Variants in LIMS1 observed in about 807,000 individuals in gnomAD.
LIMS1 encodes LIM and senescent cell antigen-like-containing domain protein 1.
A neutral mutation model predicts 44.1 loss-of-function variants in LIMS1; 18 were observed. That is an observed-to-expected ratio of 0.41 (90% CI 0.28 to 0.61). The LOEUF is 0.61. Ranked by LOEUF, LIMS1 falls within the 20% of genes least tolerant of loss-of-function variation. The pLI, the probability that LIMS1 is intolerant of heterozygous loss-of-function variation, is 0.32. For missense variants in LIMS1, 201 were observed against 422.0 expected, an observed-to-expected ratio of 0.48 and a Z score of 4.59; for synonymous variants, 93 against 149.1, an observed-to-expected ratio of 0.62 and a Z score of 2.74.
At chr2:108,561,469 G>C (rs1016851562) in intron 1 of LIMS1, among the ~76,000 whole-genome samples, 6 of 152,164 alleles carry the variant, frequency 3.9e-5, no homozygotes, top group Non-Finnish European at 2.9e-5. Context: ...CCAATGCAGT[G>C]TATGTGTGTG....
At chr2:108,644,074 G>C (rs113959926) in intron 1 of LIMS1, among the ~76,000 whole-genome samples, 1,852 of 152,288 alleles carry the variant, frequency 0.012, 44 homozygotes, top group African/African-American at 0.043. Flanking sequence ...AGGGGAAGGG[G>C]TGGTTGTGGG....
chr2:108,595,595 A>C (rs1686639509), intron 1 of LIMS1, among the ~76,000 whole-genome samples: 1 of 151,694 alleles, frequency 6.6e-6, no homozygotes, highest in African/African-American at 2.4e-5. Context: ...TATTTTCTTC[A>C]GTTTTTCCCA....
chr2:108,630,956 AT>A (rs1429221939), intron 1 of LIMS1, among the ~76,000 whole-genome samples: 2 of 152,246 alleles, frequency 1.3e-5, no homozygotes, highest in Non-Finnish European at 2.9e-5. Flanking sequence ...AAAAGATTAG[AT>A]TCAGAAAAAT....
intron 1 of LIMS1, among the ~76,000 whole-genome samples, chr2:108,599,991 T>A (rs200513691): frequency 0.13 from 14,232 of 108,638 alleles, 20 homozygotes; most frequent in East Asian, 0.46. Flanking sequence ...TTGTCTTTTC[T>A]CTTTGTTGAC....
chr2:108,617,356 A>G (rs932363036), intron 1 of LIMS1, among the ~76,000 whole-genome samples: 1 of 152,236 alleles, frequency 6.6e-6, no homozygotes, highest in African/African-American at 2.4e-5. Context: ...AAATGTTTAT[A>G]CTTGTGGAAG....
chr2:108,641,229 T>G (rs753766349), intron 1 of LIMS1, among the ~76,000 whole-genome samples: 1 of 152,214 alleles, frequency 6.6e-6, no homozygotes, highest in Non-Finnish European at 1.5e-5. Flanking sequence ...CCTGATATCA[T>G]AATGGCATTT....
chr2:108,648,160 A>G lies in LIMS1; in HGVS notation c.33-11445A>G, dbSNP rs562481777. 3.9e-5 allele frequency among the ~76,000 whole-genome samples: 6 copies of G among 152,338 alleles called. 1 individual carries two copies. The South Asian group carries it at 1.2e-3, about 32-fold the overall frequency. On this transcript the variant is annotated intron_variant, in intron 1 of 9. Coordinates refer to ENST00000544547, the Ensembl canonical transcript of LIMS1. The stretch of plus-strand genomic sequence containing the variant: ...ATGTGCAAAAATCACAGGCATTCCT[A>G]TACACCAATAACAGACAAACGGAGA...
chr2:108,572,383 T>TC (rs1685507507), intron 1 of LIMS1, among the ~76,000 whole-genome samples: 1 of 146,728 alleles, frequency 6.8e-6, no homozygotes, highest in South Asian at 2.2e-4. Flanking sequence ...ACTCTTGCTT[T>TC]TTTTTTTTTT....
intron 1 of LIMS1, among the ~76,000 whole-genome samples, chr2:108,614,608 A>C (rs1238868540): frequency 6.6e-6 from 1 of 152,212 alleles, no homozygotes; most frequent in African/African-American, 2.4e-5. Flanking sequence ...GATACCCTTA[A>C]ATTTCTAAAT....
chr2:108,546,795 G>C lies in LIMS1; in HGVS notation c.32+12201G>C, dbSNP rs374193724. 2.0e-5 allele frequency among the ~76,000 whole-genome samples: 3 copies of C among 151,968 alleles called. No individual in the cohort carries two copies. In the East Asian group the frequency reaches 5.8e-4, roughly 29 times the overall value. On this transcript the variant is annotated intron_variant, in intron 1 of 9. Coordinates refer to ENST00000544547, the Ensembl canonical transcript of LIMS1. ...TAATCTCTAAAGGGCAAAGTAAGTT[G>C]TTTATGGAGACTTCTATAAAGCACC...
At chr2:108,587,287 G>GGGGTGTGTGTGT (rs1558798239) in intron 1 of LIMS1, among the ~76,000 whole-genome samples, 1 of 111,710 alleles carries the variant, frequency 9.0e-6, no homozygotes, top group African/African-American at 3.4e-5. Context: ...GTTTTCTTGG[G>GGGGTGTGTGTGT]GTTTGTGTGT....
At position 108,674,416 on chromosome 2, in the gene LIMS1, A is replaced by G. The variant is rs1401464177; in HGVS notation, c.530+1387A>G. ...TAGTAGGGATGGAGAAGAAACAGTAAGCCAAATACTAAGAAAACAGTTTGG... is the reference window on the plus strand; with the variant it reads ...TAGTAGGGATGGAGAAGAAACAGTAGGCCAAATACTAAGAAAACAGTTTGG... On this transcript the variant is annotated intron_variant, in intron 5 of 9. Coordinates refer to ENST00000544547, the Ensembl canonical transcript of LIMS1. Among the ~76,000 whole-genome samples, 6 of 152,168 alleles carry G rather than the reference A, an allele frequency of 3.9e-5. No homozygotes were observed. The East Asian group carries it at 1.2e-3, about 29-fold the overall frequency.
At chr2:108,578,695 G>A (rs145252814) in intron 1 of LIMS1, among the ~76,000 whole-genome samples, 3,017 of 143,766 alleles carry the variant, frequency 0.021, 58 homozygotes, top group African/African-American at 0.048. Flanking sequence ...CCAGGTTCAC[G>A]CCATTCTCCT....
At chr2:108,646,779 C>A (rs917672325) in intron 1 of LIMS1, among the ~76,000 whole-genome samples, 5 of 152,248 alleles carry the variant, frequency 3.3e-5, no homozygotes, top group African/African-American at 1.2e-4. Flanking sequence ...GATCTCGGCT[C>A]ACTGCAAGCT....
At chr2:108,595,699 C>A (rs143570831) in intron 1 of LIMS1, among the ~76,000 whole-genome samples, 57 of 152,254 alleles carry the variant, frequency 3.7e-4, no homozygotes, top group African/African-American at 1.3e-3. Flanking sequence ...TCTTGGCTCT[C>A]AACTGTGGGA....
At chr2:108,667,358 A>T (rs758032771) in intron 2 of LIMS1, among the ~76,000 whole-genome samples, 12 of 152,094 alleles carry the variant, frequency 7.9e-5, no homozygotes, top group Non-Finnish European at 1.3e-4. Context: ...AGGCCCTAAG[A>T]GGTTAAGCAA....
intron 1 of LIMS1, among the ~76,000 whole-genome samples, chr2:108,545,741 C>A (rs1483676272): frequency 6.6e-6 from 1 of 152,090 alleles, no homozygotes; most frequent in Non-Finnish European, 1.5e-5. Context: ...TTGAGTCTTA[C>A]CCATATCTGA....
At chr2:108,535,513 G>GGGTAA (rs1684102776) in intron 1 of LIMS1, among the ~76,000 whole-genome samples, 1 of 152,204 alleles carries the variant, frequency 6.6e-6, no homozygotes. Context: ...CAGTTTGAAT[G>GGGTAA]CAGCTGTTAC....
chr2:108,638,694 T>G (rs1689447625), intron 1 of LIMS1, among the ~76,000 whole-genome samples: 1 of 148,890 alleles, frequency 6.7e-6, no homozygotes, highest in Admixed American at 6.7e-5. Flanking sequence ...TTGCGGTGAG[T>G]CAAAATTGCA....
Sources: allele counts gnomAD v4.1 joint callset (sites outside exome capture counted in the v4.1 genomes callset), GRCh38; gene constraint gnomAD v4.1.1; transcripts MANE v1.5; gene names NCBI Gene and HGNC (gene_info 2026-07-23, HGNC 2026-07-21).